Variants in PSD2 observed in about 807,000 individuals in gnomAD.
PSD2 encodes pleckstrin and Sec7 domain containing 2.
In PSD2, 38 loss-of-function variants were observed where a neutral mutation model predicts 69.8. The ratio of observed to expected loss-of-function variants is 0.54; its 90% CI spans 0.42 to 0.71. The LOEUF (loss-of-function observed/expected upper bound fraction) is 0.71, where lower values mean the gene tolerates loss of function less well. Ranked by LOEUF, PSD2 falls within the 30% of genes least tolerant of loss-of-function variation. The probability of loss-of-function intolerance (pLI) is 0.00; values close to 1 mark genes in which losing one functional copy is unlikely to be tolerated. For missense variants in PSD2, 943 were observed against 1,014.5 expected (o/e 0.93, Z 0.96); for synonymous variants, 412 against 423.0 (o/e 0.97, Z 0.32).
chr5:139,744,762 G>T, the PSD2 span: 1 of 152,316 alleles, frequency 6.6e-6, no homozygotes, highest in Non-Finnish European at 1.5e-5. Flanking sequence ...GAGATTATGA[G>T]AATTGGTGAG....
At chr5:139,817,582 C>G (rs377120564) in intron 5 of PSD2, 21 bp downstream of exon 5, 1,341 of 1,588,662 alleles carry the variant, frequency 8.4e-4, no homozygotes, top group Non-Finnish European at 1.1e-3. Context: ...CTGGGACAGG[C>G]AGTGCCCACA....
the PSD2 span, among the ~76,000 whole-genome samples, chr5:139,779,361 G>A: frequency 8.5e-5 from 13 of 152,182 alleles, no homozygotes; most frequent in Non-Finnish European, 1.5e-4. Flanking sequence ...GCCACCCCCC[G>A]GGTTTTCTAA....
At chr5:139,810,113 C>T (rs1759922736) in intron 2 of PSD2, among the ~76,000 whole-genome samples, 1 of 152,076 alleles carries the variant, frequency 6.6e-6, no homozygotes, top group African/African-American at 2.4e-5. Context: ...TTTCCAAGTC[C>T]TTTTAAAATG....
intron 7 of PSD2, among the ~76,000 whole-genome samples, chr5:139,830,606 T>TTCTTTCTC (rs1760564318): frequency 8.2e-6 from 1 of 122,170 alleles, no homozygotes; most frequent in African/African-American, 3.6e-5. Context: ...CTTTCTTTCT[T>TTCTTTCTC]TCTCTTTCTT....
chr5:139,759,661 C>A, the PSD2 span, among the ~76,000 whole-genome samples: 4 of 152,202 alleles, frequency 2.6e-5, no homozygotes, highest in Non-Finnish European at 5.9e-5. Context: ...CACGCCGGGC[C>A]CTTTGGGGGA....
chr5:139,759,295 C>T, the PSD2 span, among the ~76,000 whole-genome samples: 3 of 151,968 alleles, frequency 2.0e-5, no homozygotes, highest in Non-Finnish European at 2.9e-5. Flanking sequence ...TGCCACCGCC[C>T]GCGCGCGCTC....
intron 1 of PSD2, among the ~76,000 whole-genome samples, chr5:139,799,530 A>G (rs969761362): frequency 6.6e-6 from 1 of 152,184 alleles, no homozygotes; most frequent in Admixed American, 6.5e-5. Context: ...CTTTTCCCCA[A>G]GGGCACTTCA....
chr5:139,756,837 A>G, the PSD2 span, among the ~76,000 whole-genome samples: 2 of 152,168 alleles, frequency 1.3e-5, no homozygotes, highest in African/African-American at 4.8e-5. Flanking sequence ...TAGGGAAGCT[A>G]TTAGCTTCCC....
the PSD2 span, among the ~76,000 whole-genome samples, chr5:139,788,188 C>G: frequency 3.0e-4 from 43 of 144,420 alleles, 1 homozygote; most frequent in Admixed American, 5.6e-4. Context: ...CGCCCCCCCC[C>G]GAACCCGTGC....
chr5:139,761,168 G>GT, the PSD2 span, among the ~76,000 whole-genome samples: 4 of 152,200 alleles, frequency 2.6e-5, no homozygotes, highest in Non-Finnish European at 5.9e-5. Flanking sequence ...CTGGTGCTCA[G>GT]TTTTTTGCCT....
chr5:139,786,133 C>A, the PSD2 span, among the ~76,000 whole-genome samples: 1 of 152,056 alleles, frequency 6.6e-6, no homozygotes, highest in African/African-American at 2.4e-5. Flanking sequence ...ACCTGTCGTC[C>A]CAGCTCTTTT....
At chr5:139,818,841 A>G (rs958405854) in intron 5 of PSD2, among the ~76,000 whole-genome samples, 1 of 152,198 alleles carries the variant, frequency 6.6e-6, no homozygotes, top group African/African-American at 2.4e-5. Context: ...TTGAGTTTTG[A>G]ATTTATGTTA....
upstream of PSD2, among the ~76,000 whole-genome samples, chr5:139,794,777 T>C (rs1040533622): frequency 1.5e-4 from 23 of 152,196 alleles, no homozygotes; most frequent in Non-Finnish European, 2.9e-4. Context: ...GCACTGGGCC[T>C]GCTCCCCACG....
At chr5:139,807,699 T>A (rs1759847973) in intron 1 of PSD2, among the ~76,000 whole-genome samples, 1 of 152,168 alleles carries the variant, frequency 6.6e-6, no homozygotes, top group Non-Finnish European at 1.5e-5. Context: ...TTCCACTCCA[T>A]GTTTGAAAAC....
chr5:139,754,896 G>C, the PSD2 span, among the ~76,000 whole-genome samples: 3 of 152,008 alleles, frequency 2.0e-5, no homozygotes, highest in African/African-American at 4.8e-5. Context: ...AACAAAAACA[G>C]AGGGACCTCC....
the PSD2 span, among the ~76,000 whole-genome samples, chr5:139,751,116 C>T: frequency 3.3e-5 from 5 of 152,114 alleles, no homozygotes; most frequent in Admixed American, 6.6e-5. Context: ...AGACATGATG[C>T]TGGTCTAGAG....
chr5:139,748,030 C>T, the PSD2 span, among the ~76,000 whole-genome samples: 2 of 152,232 alleles, frequency 1.3e-5, no homozygotes, highest in Non-Finnish European at 2.9e-5. Flanking sequence ...AGGTCACCGT[C>T]ACTGCGCCAG....
rs114066743 is a variant in PSD2, at chr5:139,816,160, C to T, written c.1017-1321C>T. On this transcript the variant is annotated intron_variant, in intron 4 of 14. Transcript: ENST00000274710. ...TTTTTCATGTGCTGGAAGATTGTAA[C>T]GCATATTTCAGACACTCTATCATTT... Among the ~76,000 whole-genome samples, 716 of 152,108 alleles carry T rather than the reference C, an allele frequency of 4.7e-3. 3 individuals carry two copies. The highest frequency in any genetic ancestry group is 6.8e-3 in the Middle Eastern group (2 of 294).
chr5:139,767,967 C>T, the PSD2 span, among the ~76,000 whole-genome samples: 2 of 152,234 alleles, frequency 1.3e-5, no homozygotes, highest in Non-Finnish European at 2.9e-5. Flanking sequence ...TCTGCCTCAG[C>T]TAGGGCTGGA....
Sources: allele counts gnomAD v4.1 joint callset (sites outside exome capture counted in the v4.1 genomes callset), GRCh38; gene constraint gnomAD v4.1.1; transcripts MANE v1.5; gene names NCBI Gene and HGNC (gene_info 2026-07-23, HGNC 2026-07-21).